The following ZFHX3 variants were observed in gnomAD, a reference collection of about 807,000 sequenced individuals.
ZFHX3 encodes zinc finger homeobox protein 3.
A neutral mutation model predicts 279.1 loss-of-function variants in ZFHX3; 42 were observed. The observed-to-expected ratio is 0.15, with a 90% CI of 0.12 to 0.19. The LOEUF is 0.19. ZFHX3 is among the 10% of genes least tolerant of loss of function. The probability of loss-of-function intolerance (pLI) is 1.00; values close to 1 mark genes in which losing one functional copy is unlikely to be tolerated. For missense variants in ZFHX3, 4,981 were observed against 4,754.0 expected (o/e 1.05, Z -1.40); for synonymous variants, 2,293 against 1,957.8 (o/e 1.17, Z -4.52).
chr16:73,665,379 A>G (rs1325416544), intron 2 of ZFHX3, among the ~76,000 whole-genome samples: 1 of 151,614 alleles, frequency 6.6e-6, no homozygotes, highest in East Asian at 1.9e-4. Context: ...ATGCCCAGCT[A>G]ATTTTTGTAT....
chr16:73,315,535 A>G (rs936736124), intron 4 of ZFHX3, among the ~76,000 whole-genome samples: 3 of 152,178 alleles, frequency 2.0e-5, no homozygotes, highest in African/African-American at 4.8e-5. Context: ...TATCTTTCAC[A>G]TAATTTCCAA....
intron 2 of ZFHX3, among the ~76,000 whole-genome samples, chr16:73,550,856 G>T (rs1031215487): frequency 8.5e-5 from 13 of 152,108 alleles, no homozygotes; most frequent in African/African-American, 3.1e-4. Context: ...ATTTTATTTT[G>T]TATTACCAAA....
intron 1 of ZFHX3, among the ~76,000 whole-genome samples, chr16:73,717,584 C>G (rs956029429): frequency 3.9e-5 from 6 of 152,116 alleles, no homozygotes; most frequent in African/African-American, 1.2e-4. Context: ...TATTCATGTC[C>G]CCACTTGCTT....
chr16:73,706,024 G>T (rs1020533146), intron 1 of ZFHX3, among the ~76,000 whole-genome samples: 6 of 152,146 alleles, frequency 3.9e-5, no homozygotes, highest in Admixed American at 2.0e-4. Flanking sequence ...TCTGGAGTTG[G>T]CCGGACACAG....
chr16:73,821,951 T>C (rs1960755337), intron 1 of ZFHX3, among the ~76,000 whole-genome samples: 1 of 152,192 alleles, frequency 6.6e-6, no homozygotes, highest in South Asian at 2.1e-4. Context: ...GTCTGATCAT[T>C]TCTGATGCTT....
At position 73,020,838 on chromosome 16, in the gene ZFHX3, C is replaced by G. The variant is rs184113522; in HGVS notation, c.-50+26914G>C. 3.2e-4 allele frequency among the ~76,000 whole-genome samples: 48 copies of G among 152,282 alleles called. 1 individual carries two copies. Among genetic ancestry groups the G allele is most frequent in the Non-Finnish European group, 5.1e-4 (35 of 68,022 alleles). On this transcript the variant is annotated intron_variant, in intron 1 of 9. Coordinates refer to ENST00000268489, the MANE Select transcript of ZFHX3 (RefSeq NM_006885.4). ...AGTAAAACGTTATGCAGCAGGATGT[C>G]TTCCTATATAATCCACTTCATCCCG...
intron 5 of ZFHX3, among the ~76,000 whole-genome samples, chr16:73,175,247 G>A (rs1428499213): frequency 1.3e-5 from 2 of 151,854 alleles, no homozygotes; most frequent in South Asian, 2.1e-4. Flanking sequence ...GGGCATAGTG[G>A]CTCATGCCTG....
chr16:73,586,387 T>G (rs981123412), intron 2 of ZFHX3, among the ~76,000 whole-genome samples: 3 of 123,334 alleles, frequency 2.4e-5, no homozygotes, highest in Admixed American at 9.9e-5. Context: ...AGACTCTATC[T>G]CAAAACAAAC....
chr16:73,446,977 G>A (rs1000424851), intron 3 of ZFHX3, among the ~76,000 whole-genome samples: 2 of 151,896 alleles, frequency 1.3e-5, no homozygotes, highest in African/African-American at 4.8e-5. Flanking sequence ...TCAGGAGATC[G>A]AGACCATCCT....
At chr16:73,682,930 G>GAA (rs879308511) in intron 1 of ZFHX3, among the ~76,000 whole-genome samples, 1 of 31,804 alleles carries the variant, frequency 3.1e-5, no homozygotes, top group African/African-American at 1.4e-4. Flanking sequence ...GAAAGAGAAA[G>GAA]AAAGAAAGAA....
At position 72,783,047 on chromosome 16, in the gene ZFHX3, CTGTT is replaced by C. The variant is rs1460489189; in HGVS notation, c.*4113_*4116del. The stretch of plus-strand genomic sequence containing the variant: ...TTCAGTTTGAAAGTTCCATGTGGTT[CTGTT>C]TGTTAGTCTCCATGTATTTTGGTAC... On this transcript the variant is annotated 3_prime_UTR_variant, in exon 10 of 10. Transcript: ENST00000268489. 2.6e-5 allele frequency: 4 copies of C among 152,372 alleles called. No individual in the cohort carries two copies. The highest frequency in any genetic ancestry group is 2.9e-5 in the Non-Finnish European group (2 of 67,980). 9.4% of individuals were successfully genotyped at this position (152,372 alleles called of 1,614,324 possible).
At chr16:73,879,825 C>CCACACA (rs138251480) in intron 1 of ZFHX3, among the ~76,000 whole-genome samples, 2 of 149,986 alleles carry the variant, frequency 1.3e-5, no homozygotes, top group African/African-American at 4.9e-5. Flanking sequence ...ACTGGCGCAC[C>CCACACA]CACACACACA....
At chr16:73,301,831 A>T (rs1298341267) in intron 4 of ZFHX3, among the ~76,000 whole-genome samples, 1 of 150,436 alleles carries the variant, frequency 6.6e-6, no homozygotes, top group Non-Finnish European at 1.5e-5. Flanking sequence ...CAGTGTGCAT[A>T]AGCCTTTCTT....
At chr16:73,117,195 C>T (rs1475837262) in intron 7 of ZFHX3, among the ~76,000 whole-genome samples, 1 of 152,118 alleles carries the variant, frequency 6.6e-6, no homozygotes, top group Non-Finnish European at 1.5e-5. Context: ...TTCCTTCCCT[C>T]TTTCCTTCCT....
chr16:73,035,285 A>C (rs1964859040), intron 1 of ZFHX3, among the ~76,000 whole-genome samples: 3 of 152,218 alleles, frequency 2.0e-5, no homozygotes, highest in Non-Finnish European at 2.9e-5. Flanking sequence ...TCATTGTTTA[A>C]TGTGACTAAT....
At chr16:73,602,395 A>G (rs2052128022) in intron 2 of ZFHX3, among the ~76,000 whole-genome samples, 1 of 152,188 alleles carries the variant, frequency 6.6e-6, no homozygotes, top group African/African-American at 2.4e-5. Context: ...AGGTAGGTGC[A>G]AGGAAGCAAC....
At chr16:73,511,497 C>G (rs937863341) in intron 2 of ZFHX3, among the ~76,000 whole-genome samples, 1 of 152,214 alleles carries the variant, frequency 6.6e-6, no homozygotes, top group African/African-American at 2.4e-5. Flanking sequence ...AAATTCTGTG[C>G]TCTCTGTGAA....
Position 72,942,157 on chromosome 16 carries a change from C to T in ZFHX3, c.3216+8312G>A, listed in dbSNP as rs72795123. ...CTGTTGGGACTAGACGTATTCAAATCTGCCCTTTGAGTCCAAGTCCTCAGC... is the reference window on the plus strand; with the variant it reads ...CTGTTGGGACTAGACGTATTCAAATTTGCCCTTTGAGTCCAAGTCCTCAGC... On this transcript the variant is annotated intron_variant, in intron 3 of 9. Transcript: ENST00000268489. Among the ~76,000 whole-genome samples, 872 of 152,338 alleles carry T rather than the reference C, an allele frequency of 5.7e-3. 6 individuals carry two copies. Among genetic ancestry groups the T allele is most frequent in the Non-Finnish European group, 7.5e-3 (509 of 68,030 alleles).
rs55993701 is a variant in ZFHX3, at chr16:73,771,758, A to AT, written c.-1607-91519dup. 2.8e-3 allele frequency among the ~76,000 whole-genome samples: 407 copies of AT among 144,116 alleles called. 3 individuals carry two copies. The highest frequency in any genetic ancestry group is 0.024 in the South Asian group (109 of 4,472). The allele number at this position is 144,116 out of a possible 152,430, so 94.5% of individuals were successfully genotyped here. Reference sequence around the variant, plus strand: ...TGTCCAGTCCTTATTGCCTTAAAGAATTTTTTTTTTTTTTTTTACTAATGG... The same window carrying AT: ...TGTCCAGTCCTTATTGCCTTAAAGAATTTTTTTTTTTTTTTTTTACTAATGG... On this transcript the variant is annotated intron_variant, in intron 1 of 17. Coordinates refer to the ZFHX3 transcript ENST00000641206.
Sources: allele counts gnomAD v4.1 joint callset (sites outside exome capture counted in the v4.1 genomes callset), GRCh38; gene constraint gnomAD v4.1.1; transcripts MANE v1.5; gene names NCBI Gene and HGNC (gene_info 2026-07-23, HGNC 2026-07-21).